DAP: variants seen among roughly 807,000 people sequenced by gnomAD.
DAP encodes the protein death associated protein, also known as death-associated protein 1.
In DAP, 8 loss-of-function variants were observed where a neutral mutation model predicts 13.8. The ratio of observed to expected loss-of-function variants is 0.58; its 90% CI spans 0.34 to 1.05. The LOEUF is 1.05. Among genes scored for constraint, DAP ranks in the 50% least tolerant of loss-of-function variants. The pLI, the probability that DAP is intolerant of heterozygous loss-of-function variation, is 0.03. For synonymous variants in DAP, 47 were observed against 47.5 expected (o/e 0.99, Z 0.04); for missense variants, 106 against 133.2 (o/e 0.80, Z 1.01).
intron 3 of DAP, among the ~76,000 whole-genome samples, chr5:10,682,391 A>T (rs572463509): frequency 6.9e-6 from 1 of 145,144 alleles, no homozygotes; most frequent in South Asian, 2.2e-4. Flanking sequence ...TGGAGGAAGC[A>T]TGGGGTTTGT....
intron 2 of DAP, among the ~76,000 whole-genome samples, chr5:10,687,068 G>GGAT (rs1738174436): frequency 6.6e-6 from 1 of 152,162 alleles, no homozygotes; most frequent in Non-Finnish European, 1.5e-5. Flanking sequence ...TCTATACATG[G>GGAT]GATGACAGAG....
chr5:10,726,854 G>T (rs561444098), intron 2 of DAP, among the ~76,000 whole-genome samples: 22 of 152,280 alleles, frequency 1.4e-4, no homozygotes, highest in African/African-American at 5.3e-4. Context: ...GCACTAGTTT[G>T]CTAAGTGCCA....
chr5:10,714,769 TGTGA>T (rs1219142973), intron 2 of DAP, among the ~76,000 whole-genome samples: 1 of 152,010 alleles, frequency 6.6e-6, no homozygotes, highest in Non-Finnish European at 1.5e-5. Flanking sequence ...TCCTCACAGT[TGTGA>T]GTGAGCTCTC....
At chr5:10,722,582 A>T (rs1420994805) in intron 2 of DAP, among the ~76,000 whole-genome samples, 1 of 129,078 alleles carries the variant, frequency 7.7e-6, no homozygotes, top group Non-Finnish European at 1.7e-5. Context: ...ACATACATAT[A>T]TATACATATA....
At chr5:10,751,632 AAATTGT>A (rs1218844639) in intron 1 of DAP, among the ~76,000 whole-genome samples, 3 of 152,238 alleles carry the variant, frequency 2.0e-5, no homozygotes, top group Admixed American at 6.5e-5. Context: ...ACATACCCTT[AAATTGT>A]AATTGTATTT....
intron 1 of DAP, among the ~76,000 whole-genome samples, chr5:10,750,613 T>G (rs894394750): frequency 2.6e-5 from 4 of 152,224 alleles, no homozygotes; most frequent in African/African-American, 9.6e-5. Flanking sequence ...CCTACAGCTT[T>G]TGTCTCAAAT....
chr5:10,689,103 C>T (rs1286051560), intron 2 of DAP, among the ~76,000 whole-genome samples: 1 of 152,146 alleles, frequency 6.6e-6, no homozygotes, highest in Non-Finnish European at 1.5e-5. Context: ...GGGTTCTATG[C>T]CTCGAGTATG....
chr5:10,683,528 C>T lies in DAP; in HGVS notation c.195+1G>A, dbSNP rs747293478. ...CCCACCGCAGACACTCCCAGACTTA[C>T]CCGGGCGATGACCCCAGAGATGAAC... On this transcript the variant is annotated splice_donor_variant, in intron 3 of 3. Coordinates refer to ENST00000230895, the MANE Select transcript of DAP (RefSeq NM_004394.3). LOFTEE classifies it high-confidence loss of function. 41 of 1,613,848 alleles carry T rather than the reference C, an allele frequency of 2.5e-5. No homozygotes were observed. The highest frequency in any genetic ancestry group is 1.6e-4 in the Middle Eastern group (1 of 6,084).
chr5:10,730,570 G>A (rs1739425025), intron 2 of DAP, among the ~76,000 whole-genome samples: 1 of 142,948 alleles, frequency 7.0e-6, no homozygotes, highest in African/African-American at 2.6e-5. Flanking sequence ...TGTACTGAGA[G>A]CCCGGGTCAG....
intron 2 of DAP, among the ~76,000 whole-genome samples, chr5:10,715,065 G>A (rs1025048250): frequency 1.1e-4 from 17 of 152,250 alleles, no homozygotes; most frequent in African/African-American, 3.4e-4. Flanking sequence ...AGATATGCAC[G>A]CCATAAGGGT....
rs544544061 is a variant in DAP at position 10,749,506 on chromosome 5, GAA to G, written c.56-1237_56-1236del. ...TAATTATAGCCATCCTAGTGGGTGTGAAGTGGTCTCTTATTGTGGTTTGATGT... is the reference window on the plus strand; with the variant it reads ...TAATTATAGCCATCCTAGTGGGTGTGGTGGTCTCTTATTGTGGTTTGATGT... On this transcript the variant is annotated intron_variant, in intron 1 of 3. Coordinates refer to ENST00000230895, the MANE Select transcript of DAP (RefSeq NM_004394.3). 4.8e-3 allele frequency among the ~76,000 whole-genome samples: 737 copies of G among 152,312 alleles called. 3 individuals are homozygous for G. The highest frequency in any genetic ancestry group is 0.016 in the African/African-American group (680 of 41,566).
chr5:10,694,781 G>A, intron 2 of DAP, among the ~76,000 whole-genome samples: 1 of 152,144 alleles, frequency 6.6e-6, no homozygotes, highest in East Asian at 1.9e-4. Flanking sequence ...CTGATGAAGG[G>A]GGTGACATAG....
chr5:10,740,862 G>A (rs1487467764), intron 2 of DAP, among the ~76,000 whole-genome samples: 1 of 152,192 alleles, frequency 6.6e-6, no homozygotes, highest in African/African-American at 2.4e-5. Context: ...CATTAGATGT[G>A]CATAATGAAT....
At position 10,744,053 on chromosome 5, in the gene DAP, A is replaced by G. The variant is rs553396857; in HGVS notation, c.152+4122T>C. ...TTGCAGGGCTTTTTTTTTCCTGTCA[A>G]CACAGTAACATCTTTAATCTTCCAC... On this transcript the variant is annotated intron_variant, in intron 2 of 3. Transcript: ENST00000230895. Among the ~76,000 whole-genome samples, 9 of 152,326 alleles carry G rather than the reference A, an allele frequency of 5.9e-5. No homozygotes were observed. The East Asian group carries it at 1.5e-3, about 26-fold the overall frequency.
chr5:10,724,002 T>C (rs1739222427), intron 2 of DAP, among the ~76,000 whole-genome samples: 2 of 152,110 alleles, frequency 1.3e-5, no homozygotes, highest in Non-Finnish European at 1.5e-5. Context: ...GAAAAAAACA[T>C]ATAGCAAAAA....
chr5:10,721,901 T>G (rs1234706885), intron 2 of DAP, among the ~76,000 whole-genome samples: 1 of 152,264 alleles, frequency 6.6e-6, no homozygotes, highest in African/African-American at 2.4e-5. Flanking sequence ...TTTCCTTTAT[T>G]GTGTGACATA....
intron 2 of DAP, among the ~76,000 whole-genome samples, chr5:10,685,838 A>G (rs777888717): frequency 6.6e-6 from 1 of 152,248 alleles, no homozygotes; most frequent in Non-Finnish European, 1.5e-5. Context: ...AATAAAGGGA[A>G]TTAGCTTCCT....
intron 2 of DAP, among the ~76,000 whole-genome samples, chr5:10,728,357 T>C (rs1178922001): frequency 6.6e-6 from 1 of 152,206 alleles, no homozygotes; most frequent in Non-Finnish European, 1.5e-5. Context: ...CTGCTACTTT[T>C]TAGAAACCTT....
Position 10,683,431 on chromosome 5 carries a change from G to C in DAP, c.195+98C>G, listed in dbSNP as rs1200473205. On this transcript the variant is annotated intron_variant, in intron 3 of 3. Transcript: ENST00000230895. ...CAGAGGAGATGAGCAGTGGTGCTGG[G>C]TTATTCCAGGTAGAGTTTAACAAAA... 5 of 1,148,260 alleles carry C rather than the reference G, an allele frequency of 4.4e-6. No individual in the cohort carries two copies. In the East Asian group the frequency reaches 9.4e-5, roughly 21 times the overall value. 71.1% of individuals were successfully genotyped at this position (1,148,260 alleles called of 1,614,324 possible).
Sources: allele counts gnomAD v4.1 joint callset (sites outside exome capture counted in the v4.1 genomes callset), GRCh38; gene constraint gnomAD v4.1.1; transcripts MANE v1.5; gene names NCBI Gene and HGNC (gene_info 2026-07-23, HGNC 2026-07-21).